Variants in CTNNA2 observed in about 807,000 individuals in gnomAD.
CTNNA2 encodes the protein catenin alpha-2.
CTNNA2 carries 42 observed loss-of-function variants against 101.0 expected under a neutral mutation model. That is an observed-to-expected ratio of 0.42 (90% CI 0.32 to 0.54). CTNNA2 has a LOEUF of 0.54. Ranked by LOEUF, CTNNA2 falls within the 20% of genes least tolerant of loss-of-function variation. The probability of loss-of-function intolerance (pLI) is 0.14; values close to 1 mark genes in which losing one functional copy is unlikely to be tolerated. For synonymous variants in CTNNA2, 450 were observed against 456.4 expected, an observed-to-expected ratio of 0.99 and a Z score of 0.18; for missense variants, 871 against 1,223.1, an observed-to-expected ratio of 0.71 and a Z score of 4.29.
chr2:79,343,140 A>G (rs1677176569), intron 3 of CTNNA2, among the ~76,000 whole-genome samples: 1 of 152,316 alleles, frequency 6.6e-6, no homozygotes, highest in South Asian at 2.1e-4. Context: ...TTGCAAATGA[A>G]GATACAATAA....
chr2:79,280,663 A>AGAGAGAGAGAGAGAG (rs1238782976), intron 2 of CTNNA2, among the ~76,000 whole-genome samples: 14 of 49,372 alleles, frequency 2.8e-4, no homozygotes, highest in Non-Finnish European at 3.4e-4. Context: ...GTGTAAGAGA[A>AGAGAGAGAGAGAGAG]AGAGAGAGAG....
intron 1 of CTNNA2, among the ~76,000 whole-genome samples, chr2:79,636,426 A>G (rs1680072951): frequency 6.6e-6 from 1 of 152,094 alleles, no homozygotes; most frequent in African/African-American, 2.4e-5. Flanking sequence ...AAGCAGAACC[A>G]TGAAGGGCAT....
At chr2:80,020,991 A>ATT (rs1694516567) in intron 7 of CTNNA2, among the ~76,000 whole-genome samples, 1 of 119,462 alleles carries the variant, frequency 8.4e-6, no homozygotes, top group Non-Finnish European at 1.6e-5. Context: ...ATGACCAATC[A>ATT]TCTTTTTTTT....
chr2:80,559,467 C>T lies in CTNNA2; in HGVS notation c.1741+3574C>T, dbSNP rs564435993. ...GAGAGGTGCCCAAAGAGTGATAACA[C>T]ATCTGTGGTTTATTTTCCATGAATT... On this transcript the variant is annotated intron_variant, in intron 12 of 18. Transcript: ENST00000402739. Among the ~76,000 whole-genome samples, 16 of 152,284 alleles carry T rather than the reference C, an allele frequency of 1.1e-4. No individual in the cohort carries two copies. The South Asian group carries it at 3.3e-3, about 32-fold the overall frequency.
At chr2:80,384,681 A>G (rs924479908) in intron 7 of CTNNA2, among the ~76,000 whole-genome samples, 1 of 151,910 alleles carries the variant, frequency 6.6e-6, no homozygotes, top group African/African-American at 2.4e-5. Flanking sequence ...TCTCAAGGTT[A>G]GTAACTAACT....
rs1055101750 is a variant in CTNNA2 at position 79,547,278 on chromosome 2, A to G, written c.-6+34071A>G. ...TCTGGTACCTAATAAATTTAGATAT[A>G]TAAACAAAAGCTGTCCCACAATGAT... On this transcript the variant is annotated intron_variant, in intron 1 of 18. Coordinates refer to ENST00000402739, the MANE Select transcript of CTNNA2 (RefSeq NM_001282597.3). The G allele has an allele frequency of 3.9e-5, 6 of 152,218 alleles. No homozygotes were observed. In the East Asian group the frequency reaches 5.8e-4, roughly 15 times the overall value. The allele number at this position is 152,218 out of a possible 1,614,324, so 9.4% of individuals were successfully genotyped here. A position where few individuals can be genotyped will look rare whatever the true frequency, so the allele number is the denominator to read the frequency against.
chr2:80,087,386 TTAAGAA>T (rs1214615593), intron 7 of CTNNA2, among the ~76,000 whole-genome samples: 58 of 152,088 alleles, frequency 3.8e-4, no homozygotes, highest in African/African-American at 1.2e-3. Context: ...TCTGTTTCCA[TTAAGAA>T]ACTGAGGTCC....
intron 11 of CTNNA2, among the ~76,000 whole-genome samples, chr2:80,554,467 A>T (rs1195661327): frequency 6.6e-6 from 1 of 152,156 alleles, no homozygotes. Context: ...GCTTATAATC[A>T]ATAGAAATTT....
intron 7 of CTNNA2, among the ~76,000 whole-genome samples, chr2:80,182,543 A>G (rs1419857756): frequency 5.3e-5 from 8 of 152,180 alleles, no homozygotes. Context: ...GCTCATTCTG[A>G]TGGGGAAGGA....
chr2:80,026,909 T>A (rs1363572256), intron 7 of CTNNA2, among the ~76,000 whole-genome samples: 1 of 152,252 alleles, frequency 6.6e-6, no homozygotes, highest in Non-Finnish European at 1.5e-5. Flanking sequence ...TTTGACACTA[T>A]TCTGGCATCT....
chr2:79,201,456 G>A (rs1260088131), intron 2 of CTNNA2, among the ~76,000 whole-genome samples: 2 of 152,046 alleles, frequency 1.3e-5, no homozygotes, highest in African/African-American at 4.8e-5. Flanking sequence ...TTCCTTCCCT[G>A]TTGGAAATGA....
intron 7 of CTNNA2, among the ~76,000 whole-genome samples, chr2:80,156,741 C>T (rs1476863158): frequency 6.6e-6 from 1 of 152,232 alleles, no homozygotes. Flanking sequence ...GTACCACACG[C>T]ATTGCTGATG....
chr2:80,377,947 T>C lies in CTNNA2; in HGVS notation c.1057-15264T>C, dbSNP rs151237293. On this transcript the variant is annotated intron_variant, in intron 7 of 18. Coordinates refer to ENST00000402739, the MANE Select transcript of CTNNA2 (RefSeq NM_001282597.3). ...CCCAAGTCTAATGTCACTACAAGAC[T>C]TTATTGAGTACAAGGGAAACTCCTT... 8.0e-4 allele frequency among the ~76,000 whole-genome samples: 122 copies of C among 152,310 alleles called. 2 individuals are homozygous for C. The East Asian group carries it at 0.019, about 23-fold the overall frequency.
At chr2:79,371,402 A>G (rs1354508053) in intron 3 of CTNNA2, among the ~76,000 whole-genome samples, 4 of 152,038 alleles carry the variant, frequency 2.6e-5, no homozygotes, top group Non-Finnish European at 5.9e-5. Context: ...AGCAGCAGAC[A>G]GAGGGAAAAG....
intron 1 of CTNNA2, among the ~76,000 whole-genome samples, chr2:79,595,226 T>C (rs1677114071): frequency 1.3e-5 from 2 of 152,210 alleles, no homozygotes; most frequent in African/African-American, 4.8e-5. Context: ...GTCTTCATTC[T>C]ATTTCCTAAA....
chr2:80,542,415 C>T (rs1378757058), intron 9 of CTNNA2, among the ~76,000 whole-genome samples: 2 of 151,876 alleles, frequency 1.3e-5, no homozygotes, highest in East Asian at 1.9e-4. Context: ...GAAAATTGAT[C>T]CTAAATGGCT....
chr2:80,508,617 A>T (rs1210851105), intron 9 of CTNNA2, among the ~76,000 whole-genome samples: 1 of 151,220 alleles, frequency 6.6e-6, no homozygotes, highest in African/African-American at 2.4e-5. Flanking sequence ...TTATCAGACC[A>T]TGTGTGCTAG....
At chr2:79,963,039 C>T (rs1200794623) in intron 7 of CTNNA2, among the ~76,000 whole-genome samples, 1 of 142,180 alleles carries the variant, frequency 7.0e-6, no homozygotes, top group Non-Finnish European at 1.5e-5. Context: ...CCACTGCACT[C>T]CAGCCTGGGC....
At chr2:79,950,631 A>G (rs1379812675) in intron 7 of CTNNA2, among the ~76,000 whole-genome samples, 5 of 152,190 alleles carry the variant, frequency 3.3e-5, no homozygotes, top group Non-Finnish European at 4.4e-5. Context: ...CCAGTGTTTT[A>G]TAGGCCAGCA....
Sources: allele counts gnomAD v4.1 joint callset (sites outside exome capture counted in the v4.1 genomes callset), GRCh38; gene constraint gnomAD v4.1.1; transcripts MANE v1.5; gene names NCBI Gene and HGNC (gene_info 2026-07-23, HGNC 2026-07-21).